Variants in FCHO2 observed in about 807,000 individuals in gnomAD.
FCHO2 encodes FCH and mu domain containing endocytic adaptor 2.
Under a neutral mutation model 114.1 loss-of-function variants are expected in FCHO2, and 43 were observed. That is an observed-to-expected ratio of 0.38 (90% confidence interval 0.30 to 0.49). The LOEUF (loss-of-function observed/expected upper bound fraction) is 0.49, where lower values mean the gene tolerates loss of function less well. Ranked by LOEUF, FCHO2 falls within the 20% of genes least tolerant of loss-of-function variation. The probability of loss-of-function intolerance (pLI) is 0.97; values close to 1 mark genes in which losing one functional copy is unlikely to be tolerated. For missense variants in FCHO2, 807 were observed against 950.4 expected, an observed-to-expected ratio of 0.85 and a Z score of 1.98; for synonymous variants, 293 against 315.2, an observed-to-expected ratio of 0.93 and a Z score of 0.75.
At chr5:73,024,260 C>T (rs1353204379) in intron 8 of FCHO2, among the ~76,000 whole-genome samples, 1 of 152,008 alleles carries the variant, frequency 6.6e-6, no homozygotes, top group Non-Finnish European at 1.5e-5. Flanking sequence ...CAGAATCTTA[C>T]TATGTTGTTC....
intron 8 of FCHO2, among the ~76,000 whole-genome samples, chr5:73,023,700 CAAA>C (rs201431388): frequency 1.6e-5 from 2 of 127,570 alleles, no homozygotes; most frequent in Admixed American, 7.9e-5. Flanking sequence ...AACTCCATCT[CAAA>C]AAAAAAAAAA....
At chr5:72,994,590 T>G (rs1753979142) in intron 5 of FCHO2, among the ~76,000 whole-genome samples, 1 of 152,154 alleles carries the variant, frequency 6.6e-6, no homozygotes, top group African/African-American at 2.4e-5. Context: ...TTCAAAGAGC[T>G]AAAAACAGAA....
chr5:72,998,842 A>G (rs1322385959), intron 5 of FCHO2, among the ~76,000 whole-genome samples: 1 of 148,922 alleles, frequency 6.7e-6, no homozygotes, highest in Non-Finnish European at 1.5e-5. Flanking sequence ...TTTTTTGTCT[A>G]GAGATGAGGT....
chr5:73,052,573 G>A (rs539296291), intron 13 of FCHO2, 66 bp downstream of exon 13: 1 of 1,264,622 alleles, frequency 7.9e-7, no homozygotes, highest in Admixed American at 2.7e-5. Context: ...CCTGTGTCTG[G>A]TCAAACATTA....
intron 2 of FCHO2, among the ~76,000 whole-genome samples, chr5:72,973,459 A>G (rs1413544935): frequency 1.3e-5 from 2 of 151,966 alleles, no homozygotes; most frequent in Admixed American, 1.3e-4. Context: ...GAATTTATCC[A>G]TTTCTTCTAG....
chr5:72,975,346 A>G (rs1277861419), intron 2 of FCHO2, among the ~76,000 whole-genome samples: 1 of 152,100 alleles, frequency 6.6e-6, no homozygotes, highest in African/African-American at 2.4e-5. Context: ...GATTGATTTG[A>G]GACAGGGTCT....
At chr5:73,080,619 A>G (rs1743062743) in intron 22 of FCHO2, among the ~76,000 whole-genome samples, 1 of 152,138 alleles carries the variant, frequency 6.6e-6, no homozygotes. Context: ...TTCCTACTTT[A>G]TATTTCTCTA....
At chr5:72,973,915 T>C (rs1752713197) in intron 2 of FCHO2, among the ~76,000 whole-genome samples, 1 of 149,396 alleles carries the variant, frequency 6.7e-6, no homozygotes, top group South Asian at 2.1e-4. Flanking sequence ...TTTGTTCTCG[T>C]TGGTTTCAAA....
At chr5:73,057,883 C>T (rs533235232) in intron 16 of FCHO2, among the ~76,000 whole-genome samples, 1 of 152,280 alleles carries the variant, frequency 6.6e-6, no homozygotes, top group South Asian at 2.1e-4. Context: ...GGGAATTAAT[C>T]TTCCCCATTC....
chr5:73,043,545 A>G (rs1056412444), intron 11 of FCHO2, among the ~76,000 whole-genome samples: 3 of 147,266 alleles, frequency 2.0e-5, no homozygotes, highest in Admixed American at 6.7e-5. Flanking sequence ...TGATAAATAG[A>G]TATTTATTTC....
intron 2 of FCHO2, among the ~76,000 whole-genome samples, chr5:72,969,279 A>G (rs1306602163): frequency 6.6e-6 from 1 of 152,226 alleles, no homozygotes; most frequent in South Asian, 2.1e-4. Context: ...TCAACAATGT[A>G]TATCCCATCA....
intron 13 of FCHO2, among the ~76,000 whole-genome samples, chr5:73,053,422 A>G (rs1757425085): frequency 6.6e-6 from 1 of 152,154 alleles, no homozygotes; most frequent in Admixed American, 6.6e-5. Context: ...AGGGCCGGGC[A>G]TGGTGGCTCA....
chr5:73,056,122 T>C lies in FCHO2; in HGVS notation c.1253+15T>C. 1 of 1,520,144 alleles carries C rather than the reference T, an allele frequency of 6.6e-7. No individual in the cohort carries two copies. Among genetic ancestry groups the C allele is most frequent in the Non-Finnish European group, 8.8e-7 (1 of 1,134,552 alleles). 94.2% of individuals were successfully genotyped at this position (1,520,144 alleles called of 1,614,324 possible). The stretch of plus-strand genomic sequence containing the variant: ...CCACCCAATGAGTAAGTTTCCATGT[T>C]TAATTTTGTTAAAAAATAGACTTTA... On this transcript the variant is annotated intron_variant, in intron 16 of 25. Transcript: ENST00000430046.
chr5:73,078,657 T>G (rs1011950944), intron 22 of FCHO2, among the ~76,000 whole-genome samples: 7 of 152,206 alleles, frequency 4.6e-5, no homozygotes, highest in Non-Finnish European at 8.8e-5. Flanking sequence ...TATAAGAGTT[T>G]TCTGGATGTG....
At chr5:72,984,661 TTTA>T (rs1001861375) in intron 2 of FCHO2, among the ~76,000 whole-genome samples, 2 of 152,074 alleles carry the variant, frequency 1.3e-5, no homozygotes. Flanking sequence ...GTTGCAAAAA[TTTA>T]TTATTATTAT....
intron 5 of FCHO2, among the ~76,000 whole-genome samples, chr5:72,991,808 T>G (rs558415075): frequency 1.1e-4 from 17 of 152,342 alleles, no homozygotes; most frequent in Middle Eastern, 3.4e-3. Flanking sequence ...ATAAAACAGC[T>G]GTGTATTTAT....
intron 6 of FCHO2, among the ~76,000 whole-genome samples, chr5:73,008,801 A>C (rs992448463): frequency 7.2e-5 from 11 of 152,206 alleles, no homozygotes; most frequent in African/African-American, 2.7e-4. Flanking sequence ...TGTGTTTGAT[A>C]AACAGATGCC....
At chr5:73,076,415 G>T (rs1742911957) in intron 20 of FCHO2, among the ~76,000 whole-genome samples, 1 of 152,110 alleles carries the variant, frequency 6.6e-6, no homozygotes, top group Admixed American at 6.6e-5. Context: ...TCAAAGGAGG[G>T]TTTTATTTAT....
chr5:72,977,873 G>A (rs1752972221), intron 2 of FCHO2, among the ~76,000 whole-genome samples: 1 of 152,172 alleles, frequency 6.6e-6, no homozygotes, highest in South Asian at 2.1e-4. Context: ...TTATTAAATA[G>A]GGAATCTTTT....
Sources: gnomAD v4.1 joint callset for allele counts (sites outside exome capture counted in the v4.1 genomes callset) on GRCh38, gnomAD v4.1.1 for gene constraint, MANE v1.5 for transcripts, NCBI Gene and HGNC (gene_info 2026-07-23, HGNC 2026-07-21) for gene names.